The following PLEKHG1 variants were observed in gnomAD, a reference collection of about 807,000 sequenced individuals.
PLEKHG1 encodes pleckstrin homology and RhoGEF domain containing G1.
Under a neutral mutation model 100.8 loss-of-function variants are expected in PLEKHG1, and 44 were observed. That is an observed-to-expected ratio of 0.44 (90% CI 0.34 to 0.56). PLEKHG1 has a LOEUF of 0.56. Ranked by LOEUF, PLEKHG1 falls within the 20% of genes least tolerant of loss-of-function variation. The probability of loss-of-function intolerance (pLI) is 0.01; values close to 1 mark genes in which losing one functional copy is unlikely to be tolerated. For missense variants in PLEKHG1, 1,545 were observed against 1,720.9 expected (o/e 0.90, Z 1.81); for synonymous variants, 640 against 662.5 (o/e 0.97, Z 0.52).
In PLEKHG1 at chr6:150,675,808, T is replaced by TG. The variant is rs770703796; in HGVS notation, c.-99+25028dup. On this transcript the variant is annotated intron_variant, in intron 3 of 3. Coordinates refer to the PLEKHG1 transcript ENST00000367326. ...GGCTGATAAAACTTACTTTTCTTAG[T>TG]GGGGGGAAAAGCATGAGGATTATTT... Among the ~76,000 whole-genome samples the TG allele has an allele frequency of 4.6e-5, 7 of 152,216 alleles. No individual in the cohort carries two copies. In the East Asian group the frequency reaches 5.8e-4, roughly 13 times the overall value.
At chr6:150,817,917 C>T (rs997502110) in intron 10 of PLEKHG1, among the ~76,000 whole-genome samples, 4 of 151,996 alleles carry the variant, frequency 2.6e-5, no homozygotes, top group Non-Finnish European at 4.4e-5. Flanking sequence ...AGCCAGGCTT[C>T]GGAACCAGCC....
chr6:150,782,848 G>A (rs982909343), intron 3 of PLEKHG1, among the ~76,000 whole-genome samples: 9 of 152,138 alleles, frequency 5.9e-5, no homozygotes, highest in Non-Finnish European at 1.2e-4. Flanking sequence ...CATGATTGAC[G>A]TTGTGGCTCA....
intron 3 of PLEKHG1, among the ~76,000 whole-genome samples, chr6:150,674,736 GC>G (rs1191214006): frequency 6.9e-6 from 1 of 144,882 alleles, no homozygotes; most frequent in Non-Finnish European, 1.5e-5. Flanking sequence ...AGGATGGAGT[GC>G]AGTGGCATGA....
intron 10 of PLEKHG1, among the ~76,000 whole-genome samples, chr6:150,814,948 G>A (rs980644122): frequency 1.4e-4 from 22 of 152,150 alleles, no homozygotes; most frequent in African/African-American, 4.8e-4. Context: ...TCGAACTCCC[G>A]GCCTCAAGTG....
intron 2 of PLEKHG1, among the ~76,000 whole-genome samples, chr6:150,747,376 T>A (rs1326000244): frequency 6.6e-6 from 1 of 152,212 alleles, no homozygotes; most frequent in Non-Finnish European, 1.5e-5. Flanking sequence ...AGCCCTGTTC[T>A]GTAACACGTA....
chr6:150,821,170 A>T lies in PLEKHG1; in HGVS notation c.1409-25A>T, dbSNP rs566798835. On this transcript the variant is annotated intron_variant, in intron 12 of 15. Coordinates refer to ENST00000358517, the Ensembl canonical transcript of PLEKHG1. Reference sequence around the variant, plus strand: ...AAGGTTTGATTTGGTTTTGCCAATGATGCTGGCTTTGTTTTGTCTCCCAGA... The same window carrying T: ...AAGGTTTGATTTGGTTTTGCCAATGTTGCTGGCTTTGTTTTGTCTCCCAGA... 6.8e-6 allele frequency: 11 copies of T among 1,607,722 alleles called. No homozygotes were observed. The South Asian group carries it at 1.1e-4, about 16-fold the overall frequency.
chr6:150,671,218 T>C (rs1282482845), intron 3 of PLEKHG1, among the ~76,000 whole-genome samples: 1 of 152,168 alleles, frequency 6.6e-6, no homozygotes, highest in Non-Finnish European at 1.5e-5. Context: ...AGTATCTTTT[T>C]TGAATAACGA....
chr6:150,632,762 A>T (rs920950480), intron 1 of PLEKHG1, among the ~76,000 whole-genome samples: 3 of 152,236 alleles, frequency 2.0e-5, no homozygotes, highest in African/African-American at 7.2e-5. Context: ...GAGAACTTTA[A>T]CTTCAAGTGA....
chr6:150,828,125 C>T, intron 14 of PLEKHG1: 1 of 1,613,440 alleles, frequency 6.2e-7, no homozygotes, highest in Non-Finnish European at 8.5e-7. Flanking sequence ...CAACAACCTG[C>T]ATACCCAATT....
chr6:150,784,218 A>AC (rs1785480245), intron 3 of PLEKHG1, among the ~76,000 whole-genome samples: 1 of 152,198 alleles, frequency 6.6e-6, no homozygotes, highest in Non-Finnish European at 1.5e-5. Flanking sequence ...CATGAAAAAG[A>AC]CCCACCCAAA....
chr6:150,649,507 T>A (rs752715603), intron 2 of PLEKHG1, among the ~76,000 whole-genome samples: 1 of 152,244 alleles, frequency 6.6e-6, no homozygotes, highest in Non-Finnish European at 1.5e-5. Context: ...GATACCCAGC[T>A]GAGAAATTTC....
intron 2 of PLEKHG1, among the ~76,000 whole-genome samples, chr6:150,741,648 A>G (rs73011235): frequency 0.098 from 14,855 of 151,604 alleles, 863 homozygotes; most frequent in East Asian, 0.18. Flanking sequence ...TTGAATGTAC[A>G]GAGGACAAAG....
At chr6:150,707,436 A>G (rs1053863410) in intron 3 of PLEKHG1, among the ~76,000 whole-genome samples, 1 of 152,200 alleles carries the variant, frequency 6.6e-6, no homozygotes, top group African/African-American at 2.4e-5. Context: ...TGTATAATCC[A>G]GAGTCATGCA....
chr6:150,744,459 A>T (rs1783043454), intron 2 of PLEKHG1, among the ~76,000 whole-genome samples: 2 of 151,998 alleles, frequency 1.3e-5, no homozygotes, highest in South Asian at 4.2e-4. Context: ...GTAGGCAGTT[A>T]AAAAAAACAA....
chr6:150,714,670 TC>T (rs1482242958), intron 3 of PLEKHG1, among the ~76,000 whole-genome samples: 4 of 152,330 alleles, frequency 2.6e-5, no homozygotes, highest in African/African-American at 9.6e-5. Context: ...ATGACTGAAG[TC>T]CTGGTAACTA....
chr6:150,609,995 T>C (rs1492577), intron 1 of PLEKHG1, among the ~76,000 whole-genome samples: 28,784 of 152,160 alleles, frequency 0.19, 2,972 homozygotes, highest in Middle Eastern at 0.25. Context: ...CAGGTGATGC[T>C]GTGACGCGAT....
intron 8 of PLEKHG1, 23 bp from the exon 10 acceptor site, chr6:150,809,358 C>T (rs566847972): frequency 6.2e-7 from 1 of 1,610,262 alleles, no homozygotes; most frequent in Non-Finnish European, 8.5e-7. Context: ...TGTGCCTCAC[C>T]CTCTCTGCTC....
chr6:150,779,344 G>GTTTGTTTGTTTTTTTTTTT (rs1257363893), intron 3 of PLEKHG1, among the ~76,000 whole-genome samples: 1 of 104,536 alleles, frequency 9.6e-6, no homozygotes, highest in African/African-American at 4.3e-5. Flanking sequence ...TTGTCAAGAA[G>GTTTGTTTGTTTTTTTTTTT]TTTTTTTTTT....
chr6:150,685,413 T>C (rs1199585096), intron 3 of PLEKHG1, among the ~76,000 whole-genome samples: 1 of 152,120 alleles, frequency 6.6e-6, no homozygotes, highest in Non-Finnish European at 1.5e-5. Flanking sequence ...AGAAGGAGCT[T>C]CCCGTGGAAA....
Sources: allele counts gnomAD v4.1 joint callset (sites outside exome capture counted in the v4.1 genomes callset), GRCh38; gene constraint gnomAD v4.1.1; transcripts MANE v1.5; gene names NCBI Gene and HGNC (gene_info 2026-07-23, HGNC 2026-07-21).